Variants in PIP5K1B observed in about 807,000 individuals in gnomAD.
The protein encoded by PIP5K1B is phosphatidylinositol-4-phosphate 5-kinase type 1 beta.
PIP5K1B carries 42 observed loss-of-function variants against 67.0 expected under a neutral mutation model. The observed-to-expected ratio is 0.63, with a 90% CI of 0.49 to 0.81. The LOEUF (loss-of-function observed/expected upper bound fraction) is 0.81, where lower values mean the gene tolerates loss of function less well. Ranked by LOEUF, PIP5K1B falls within the 30% of genes least tolerant of loss-of-function variation. The pLI is 0.00. For missense variants in PIP5K1B, 459 were observed against 646.3 expected (o/e 0.71, Z 3.14); for synonymous variants, 214 against 231.4 (o/e 0.92, Z 0.68).
chr9:68,844,477 G>C (rs895031906), intron 4 of PIP5K1B, among the ~76,000 whole-genome samples: 2 of 152,166 alleles, frequency 1.3e-5, no homozygotes, highest in Non-Finnish European at 2.9e-5. Flanking sequence ...GCCACTAGAA[G>C]ACTGGCTTGT....
In PIP5K1B at chr9:68,954,056, C is replaced by G. The variant is rs1564266176; in HGVS notation, c.1502+13266C>G. Among the ~76,000 whole-genome samples the G allele has an allele frequency of 3.3e-5, 5 of 152,056 alleles. No homozygotes were observed. The East Asian group carries it at 9.7e-4, about 29-fold the overall frequency. On this transcript the variant is annotated intron_variant, in intron 14 of 15. Transcript: ENST00000265382. ...CAATTGCTTCTGGTGTCCCTGGGTC[C>G]ACACATCCTGTTCTGTGTTTTCCGC...
At position 68,991,235 on chromosome 9, in the gene PIP5K1B, C is replaced by T. The variant is rs375986112; in HGVS notation, c.1598C>T (p.Ala533Val). ...ACTCTGGAAGTGCAGGATGACAATG[C>T]TTCTGTGCTTGACGTCTATTTAGTA... ...PNTLEVQDDN[A>V]SVLDVYL Residue 533 changes from alanine (A) to valine (V), a missense_variant, in exon 15 of 16, where the codon GCT becomes GTT. Ala to Val is a moderately conservative substitution (Grantham distance 64). This residue lies in a region of PIP5K1B where 169 missense variants were observed against 171.9 expected (regional missense o/e 0.98). Transcript: ENST00000265382. 6.2e-7 allele frequency: 1 copy of T among 1,600,654 alleles called. No homozygotes were observed. Among genetic ancestry groups the T allele is most frequent in the Non-Finnish European group, 8.6e-7 (1 of 1,167,658 alleles).
chr9:68,955,894 A>T (rs564613142), intron 14 of PIP5K1B, among the ~76,000 whole-genome samples: 32 of 152,322 alleles, frequency 2.1e-4, no homozygotes, highest in African/African-American at 7.0e-4. Flanking sequence ...TATGCAATGT[A>T]GTCAGCCAAG....
At chr9:68,906,289 G>T (rs1275160595) in intron 8 of PIP5K1B, among the ~76,000 whole-genome samples, 1 of 152,200 alleles carries the variant, frequency 6.6e-6, no homozygotes, top group Admixed American at 6.5e-5. Context: ...AAAGTGCTGG[G>T]ATTACAGGTG....
intron 1 of PIP5K1B, among the ~76,000 whole-genome samples, chr9:68,709,094 A>T (rs760491343): frequency 2.8e-4 from 42 of 152,160 alleles, no homozygotes; most frequent in Admixed American, 1.1e-3. Context: ...TACAGTTTTG[A>T]CTTTTAGAAA....
chr9:68,874,178 T>C lies in PIP5K1B; in HGVS notation c.201-2499T>C, dbSNP rs139639827. Among the ~76,000 whole-genome samples the C allele has an allele frequency of 4.0e-3, 616 of 152,350 alleles. 1 individual carries two copies. Among genetic ancestry groups the C allele is most frequent in the Non-Finnish European group, 6.6e-3 (448 of 68,036 alleles). Reference sequence around the variant, plus strand: ...TATGCCCACTCCTTTTCATTTTCTCTGTTTATACAAATATAATTTCTTGAT... The same window carrying C: ...TATGCCCACTCCTTTTCATTTTCTCCGTTTATACAAATATAATTTCTTGAT... On this transcript the variant is annotated intron_variant, in intron 5 of 15. Coordinates refer to ENST00000265382, the MANE Select transcript of PIP5K1B (RefSeq NM_003558.4).
chr9:68,708,146 T>G (rs1183602171), intron 1 of PIP5K1B: 1 of 152,250 alleles, frequency 6.6e-6, no homozygotes, highest in Non-Finnish European at 1.5e-5. Flanking sequence ...GTATATTGTT[T>G]AGTTTACTGT....
intron 5 of PIP5K1B, 142 bp from the exon 6 acceptor site, chr9:68,876,535 G>T: frequency 1.6e-6 from 1 of 609,284 alleles, no homozygotes; most frequent in South Asian, 2.0e-5. Context: ...TTTATGACAT[G>T]AACTTTGAGA....
At chr9:68,798,185 GA>G (rs1429519421) in intron 2 of PIP5K1B, among the ~76,000 whole-genome samples, 2 of 152,154 alleles carry the variant, frequency 1.3e-5, no homozygotes, top group African/African-American at 4.8e-5. Flanking sequence ...TTATAAGAAA[GA>G]AATTTTTGTT....
At chr9:68,952,420 A>T (rs914908209) in intron 14 of PIP5K1B, among the ~76,000 whole-genome samples, 1 of 152,036 alleles carries the variant, frequency 6.6e-6, no homozygotes, top group Admixed American at 6.6e-5. Context: ...CATTCTGGGG[A>T]TTCTAGTAAC....
intron 14 of PIP5K1B, among the ~76,000 whole-genome samples, chr9:68,977,172 T>C (rs1829668597): frequency 6.6e-6 from 1 of 152,178 alleles, no homozygotes; most frequent in Non-Finnish European, 1.5e-5. Flanking sequence ...ATATGAACAG[T>C]AAAACACATT....
intron 11 of PIP5K1B, among the ~76,000 whole-genome samples, chr9:68,922,643 C>T (rs1433852280): frequency 7.2e-5 from 11 of 152,134 alleles, no homozygotes; most frequent in Admixed American, 6.5e-4. Flanking sequence ...TATCCCCTTT[C>T]CTGGATTTGT....
At chr9:68,743,649 C>T (rs1265531987) in intron 2 of PIP5K1B, among the ~76,000 whole-genome samples, 1 of 152,116 alleles carries the variant, frequency 6.6e-6, no homozygotes, top group Non-Finnish European at 1.5e-5. Context: ...TTGCCAAAAC[C>T]CACTGGCATA....
chr9:68,847,931 A>G (rs1383761018), intron 4 of PIP5K1B, among the ~76,000 whole-genome samples: 1 of 152,216 alleles, frequency 6.6e-6, no homozygotes, highest in Non-Finnish European at 1.5e-5. Context: ...ACTGAAACAC[A>G]AAACTACAAA....
intron 4 of PIP5K1B, among the ~76,000 whole-genome samples, chr9:68,848,367 C>G (rs1185491645): frequency 6.6e-6 from 1 of 152,202 alleles, no homozygotes; most frequent in Non-Finnish European, 1.5e-5. Context: ...CTTTAAAAGA[C>G]ATAGGTAGGC....
intron 13 of PIP5K1B, 95 bp from the exon 14 acceptor site, chr9:68,940,550 TA>T: frequency 8.5e-7 from 1 of 1,176,540 alleles, no homozygotes; most frequent in Non-Finnish European, 1.2e-6. Context: ...GCCTGATAGG[TA>T]AAATGAATGC....
chr9:68,819,750 C>G (rs1439304670), intron 3 of PIP5K1B, among the ~76,000 whole-genome samples: 1 of 152,098 alleles, frequency 6.6e-6, no homozygotes. Flanking sequence ...CTTATTTGTC[C>G]CTGCTACATG....
chr9:68,825,735 T>C (rs972637539), intron 4 of PIP5K1B, among the ~76,000 whole-genome samples: 4 of 151,722 alleles, frequency 2.6e-5, no homozygotes, highest in Non-Finnish European at 4.4e-5. Context: ...CACAGTGGAG[T>C]GGGAGAGGCA....
chr9:68,781,294 A>G (rs990871781), intron 2 of PIP5K1B: 12 of 371,038 alleles, frequency 3.2e-5, no homozygotes, highest in African/African-American at 2.5e-4. Context: ...GTCTAAATAC[A>G]TATGTTATCC....
Sources: allele counts gnomAD v4.1 joint callset (sites outside exome capture counted in the v4.1 genomes callset), GRCh38; gene constraint gnomAD v4.1.1; regional missense constraint gnomAD v4.1.1; transcripts MANE v1.5; gene names NCBI Gene and HGNC (gene_info 2026-07-23, HGNC 2026-07-21).